The following CCDC175 variants were observed in gnomAD, a reference collection of about 807,000 sequenced individuals.
CCDC175 encodes coiled-coil domain-containing protein 175.
CCDC175 carries 100 observed loss-of-function variants against 114.6 expected under a neutral mutation model. That is an observed-to-expected ratio of 0.87 (90% CI 0.74 to 1.03). CCDC175 has a LOEUF of 1.03. Ranked by LOEUF, CCDC175 falls within the 50% of genes least tolerant of loss-of-function variation. The probability of loss-of-function intolerance (pLI) is 0.00; values close to 1 mark genes in which losing one functional copy is unlikely to be tolerated. For missense variants in CCDC175, 880 were observed against 917.8 expected (o/e 0.96, Z 0.53); for synonymous variants, 306 against 308.7 (o/e 0.99, Z 0.09).
At chr14:59,556,388 T>C (rs1286922001) in intron 7 of CCDC175, among the ~76,000 whole-genome samples, 1 of 152,212 alleles carries the variant, frequency 6.6e-6, no homozygotes, top group East Asian at 1.9e-4. Context: ...TAAATGGTGC[T>C]GGGAAAACTG....
Position 59,505,236 on chromosome 14 carries a change from G to C in CCDC175, c.*3C>G. 1.4e-6 allele frequency: 2 copies of C among 1,451,822 alleles called. No homozygotes were observed. Among genetic ancestry groups the C allele is most frequent in the Non-Finnish European group, 1.8e-6 (2 of 1,082,034 alleles). The allele number at this position is 1,451,822 out of a possible 1,614,324, so 89.9% of individuals were successfully genotyped here. On this transcript the variant is annotated 3_prime_UTR_variant, in exon 20 of 20. Coordinates refer to ENST00000537690, the MANE Select transcript of CCDC175 (RefSeq NM_001164399.2). The stretch of plus-strand genomic sequence containing the variant: ...TTGAATTCACAGCAGTTGTATCCTT[G>C]AGTTACTTTGTTAATGTATTTTTCT...
Position 59,575,030 on chromosome 14 carries a change from T to TC in CCDC175, c.158-3_158-2insG, listed in dbSNP as rs1472757524. 2.8e-6 allele frequency: 4 copies of TC among 1,426,200 alleles called. No homozygotes were observed. Among genetic ancestry groups the TC allele is most frequent in the Non-Finnish European group, 3.7e-6 (4 of 1,076,166 alleles). The allele number at this position is 1,426,200 out of a possible 1,614,324, so 88.3% of individuals were successfully genotyped here. A position where few individuals can be genotyped will look rare whatever the true frequency, so the allele number is the denominator to read the frequency against. On this transcript the variant is annotated splice_polypyrimidine_tract_variant and splice_region_variant and intron_variant, in intron 1 of 19. Transcript: ENST00000537690. ...AATAGTCACTTTGCAGTGATTGTTCTGAAAAAAAAATTAGAAAATAAAGAT... is the reference window on the plus strand; with the variant it reads ...AATAGTCACTTTGCAGTGATTGTTCTCGAAAAAAAAATTAGAAAATAAAGAT...
At chr14:59,528,519 G>A (rs1485945399) in intron 14 of CCDC175, among the ~76,000 whole-genome samples, 1 of 151,398 alleles carries the variant, frequency 6.6e-6, no homozygotes, top group Non-Finnish European at 1.5e-5. Flanking sequence ...TATAGTAGAG[G>A]AGATTTTAGC....
rs1895471324 is a variant in CCDC175 at position 59,551,403 on chromosome 14, A to G, written c.987T>C (p.Asp329=). The G allele has an allele frequency of 1.4e-6, 2 of 1,461,638 alleles. No homozygotes were observed. Among genetic ancestry groups the G allele is most frequent in the Non-Finnish European group, 9.1e-7 (1 of 1,093,556 alleles). The allele number at this position is 1,461,638 out of a possible 1,614,324, so 90.5% of individuals were successfully genotyped here. A position where few individuals can be genotyped will look rare whatever the true frequency, so the allele number is the denominator to read the frequency against. Residue 329 remains aspartate, a synonymous_variant, in exon 8 of 20, where the codon GAT becomes GAC. Coordinates refer to ENST00000537690, the MANE Select transcript of CCDC175 (RefSeq NM_001164399.2). ...CATTTTTTTCATCATTAGATATATCATCTAGTTTTTCTTTGTTATCTGTGA... is the reference window on the plus strand; with the variant it reads ...CATTTTTTTCATCATTAGATATATCGTCTAGTTTTTCTTTGTTATCTGTGA... The part of the protein sequence containing the change: ...CFFTDNKEKL[D]DISNDEKNEF...
intron 1 of CCDC175, 140 bp downstream of exon 1, chr14:59,576,479 A>C: frequency 3.8e-6 from 3 of 785,404 alleles, no homozygotes; most frequent in African/African-American, 3.6e-5. Context: ...CCCAGCCTCC[A>C]AGGAGCGGGG....
intron 9 of CCDC175, 57 bp from the exon 10 acceptor site, chr14:59,543,511 T>A: frequency 3.6e-6 from 2 of 557,648 alleles, no homozygotes; most frequent in Non-Finnish European, 5.7e-6. Flanking sequence ...CAAACACAAA[T>A]AAGAATTTCA....
At chr14:59,518,984 A>G (rs1893269446) in intron 17 of CCDC175, among the ~76,000 whole-genome samples, 1 of 152,266 alleles carries the variant, frequency 6.6e-6, no homozygotes. Context: ...AATACTATGC[A>G]GCCATAAAAA....
At chr14:59,561,309 A>T in intron 6 of CCDC175, 81 bp from the exon 7 acceptor site, 1 of 641,554 alleles carries the variant, frequency 1.6e-6, no homozygotes, top group Non-Finnish European at 2.7e-6. Flanking sequence ...CTCAATATTC[A>T]TGAATTACTC....
At chr14:59,563,000 T>C (rs1896308468) in intron 6 of CCDC175, among the ~76,000 whole-genome samples, 2 of 152,176 alleles carry the variant, frequency 1.3e-5, no homozygotes, top group Admixed American at 1.3e-4. Flanking sequence ...AGTTTTACTG[T>C]TGTACCAGTA....
At chr14:59,513,099 G>C (rs913824367) in intron 17 of CCDC175, among the ~76,000 whole-genome samples, 2 of 152,180 alleles carry the variant, frequency 1.3e-5, no homozygotes, top group African/African-American at 2.4e-5. Flanking sequence ...TTCAAAAATA[G>C]TACTGGAACA....
At chr14:59,543,114 C>T (rs1285290052) in intron 10 of CCDC175, among the ~76,000 whole-genome samples, 13 of 152,150 alleles carry the variant, frequency 8.5e-5, no homozygotes, top group Admixed American at 6.6e-5. Context: ...CACTGCACCC[C>T]AACTGGTCCA....
intron 14 of CCDC175, among the ~76,000 whole-genome samples, chr14:59,527,708 T>C (rs1042935642): frequency 1.3e-5 from 2 of 152,132 alleles, no homozygotes; most frequent in African/African-American, 4.8e-5. Context: ...TATAATTAAT[T>C]CATACCAAAT....
chr14:59,505,538 T>C lies in CCDC175; in HGVS notation c.2306-223A>G, dbSNP rs536856817. The C allele has an allele frequency of 9.6e-6, 3 of 313,038 alleles. No homozygotes were observed. The East Asian group carries it at 1.5e-4, about 15-fold the overall frequency. 19.4% of individuals were successfully genotyped at this position (313,038 alleles called of 1,614,324 possible). A position where few individuals can be genotyped will look rare whatever the true frequency, so the allele number is the denominator to read the frequency against. On this transcript the variant is annotated intron_variant, in intron 19 of 19. Transcript: ENST00000537690. ...ATCATTTTTTTCATATGTCCTGTTC[T>C]AGCAGAAAAGTATATATGCAAAAGA... is the stretch of plus-strand genomic sequence containing the variant.
At chr14:59,556,309 C>A (rs1258320417) in intron 7 of CCDC175, among the ~76,000 whole-genome samples, 2 of 152,130 alleles carry the variant, frequency 1.3e-5, no homozygotes, top group Non-Finnish European at 2.9e-5. Context: ...TAATACTACA[C>A]ATCTACAACC....
At position 59,562,203 on chromosome 14, in the gene CCDC175, T is replaced by C. The variant is rs182948304; in HGVS notation, c.844-975A>G. Among the ~76,000 whole-genome samples the C allele has an allele frequency of 1.9e-3, 288 of 152,332 alleles. 6 individuals carry two copies. The highest frequency in any genetic ancestry group is 0.019 in the Admixed American group (286 of 15,300). ...TGATAGGCCTGACATCTGTTATCTTTAGTCCTCAGTCCTCCTTGCCTGGAC... is the reference window on the plus strand; with the variant it reads ...TGATAGGCCTGACATCTGTTATCTTCAGTCCTCAGTCCTCCTTGCCTGGAC... On this transcript the variant is annotated intron_variant, in intron 6 of 19. Coordinates refer to ENST00000537690, the MANE Select transcript of CCDC175 (RefSeq NM_001164399.2).
rs1896201777 is a variant in CCDC175 at position 59,561,103 on chromosome 14, A to T, written c.953+16T>A. ...TATCTCGAAACATTTAAGTAAAAAT[A>T]AAGCATTACACTTACAGTTTCGCCT... On this transcript the variant is annotated intron_variant, in intron 7 of 19. Coordinates refer to ENST00000537690, the MANE Select transcript of CCDC175 (RefSeq NM_001164399.2). 7.7e-7 allele frequency: 1 copy of T among 1,298,094 alleles called. No individual in the cohort carries two copies. The highest frequency in any genetic ancestry group is 2.0e-5 in the Admixed American group (1 of 49,670). The allele number at this position is 1,298,094 out of a possible 1,614,324, so 80.4% of individuals were successfully genotyped here. A position where few individuals can be genotyped will look rare whatever the true frequency, so the allele number is the denominator to read the frequency against.
At position 59,505,739 on chromosome 14, in the gene CCDC175, C is replaced by T. The variant is rs60534876; in HGVS notation, c.2306-424G>A. ...GTCATAAGAAATTTAAAAATCAACC[C>T]TTGTCTTTGTTAAGTTTTGACTTAG... On this transcript the variant is annotated intron_variant, in intron 19 of 19. Transcript: ENST00000537690. Among the ~76,000 whole-genome samples the T allele has an allele frequency of 2.1e-3, 322 of 152,148 alleles. 7 individuals are homozygous for T. The East Asian group carries it at 0.05, about 24-fold the overall frequency.
chr14:59,570,687 G>T (rs1311957216), intron 3 of CCDC175, among the ~76,000 whole-genome samples: 1 of 152,088 alleles, frequency 6.6e-6, no homozygotes, highest in Non-Finnish European at 1.5e-5. Flanking sequence ...CATGAATGCG[G>T]GTGGCAGGCA....
intron 17 of CCDC175, among the ~76,000 whole-genome samples, chr14:59,512,460 T>C (rs1386201920): frequency 6.6e-6 from 1 of 152,216 alleles, no homozygotes; most frequent in African/African-American, 2.4e-5. Flanking sequence ...TCACACGTTG[T>C]TGGGGAAATT....
Sources: allele counts gnomAD v4.1 joint callset (sites outside exome capture counted in the v4.1 genomes callset), GRCh38; gene constraint gnomAD v4.1.1; transcripts MANE v1.5; gene names NCBI Gene and HGNC (gene_info 2026-07-23, HGNC 2026-07-21).